The following IL6R variants were observed in gnomAD, a reference collection of about 807,000 sequenced individuals.
The protein encoded by IL6R is interleukin-6 receptor subunit alpha.
A neutral mutation model predicts 48.3 loss-of-function variants in IL6R; 38 were observed. The observed-to-expected ratio is 0.79, with a 90% confidence interval of 0.61 to 1.03. IL6R has a LOEUF of 1.03. Ranked by LOEUF, IL6R falls within the 50% of genes least tolerant of loss-of-function variation. The pLI, the probability that IL6R is intolerant of heterozygous loss-of-function variation, is 0.00. For missense variants in IL6R, 534 were observed against 618.3 expected (o/e 0.86, Z 1.45); for synonymous variants, 264 against 256.2 (o/e 1.03, Z -0.29).
At position 154,435,048 on chromosome 1, in the gene IL6R, G is replaced by T. The variant is rs1352349423; in HGVS notation, c.699G>T (p.Trp233Cys). 1 of 1,614,118 alleles carries T rather than the reference G, an allele frequency of 6.2e-7. No homozygotes were observed. Among genetic ancestry groups the T allele is most frequent in the South Asian group, 1.1e-5 (1 of 91,084 alleles). Residue 233 changes from tryptophan (W) to cysteine (C), a missense_variant, in exon 5 of 10, where the codon TGG (tryptophan) becomes TGT (cysteine). By Grantham distance (215) the Trp-to-Cys change is radical. Coordinates refer to ENST00000368485, the MANE Select transcript of IL6R (RefSeq NM_000565.4). ...TVTAVARNPR[W>C]LSVTWQDPHS... ...CTGCCGTGGCCAGAAACCCCCGCTG[G>T]CTCAGTGTCACCTGGCAAGACCCCC...
chr1:154,405,389 T>C lies in IL6R; in HGVS notation c.-241T>C, dbSNP rs555022378. ...GGACCGTCCGCCGCTCTGAGTCATG[T>C]GCGAGTGGGAAGTCGCACTGACACT... On this transcript the variant is annotated 5_prime_UTR_variant, in exon 1 of 10. Transcript: ENST00000368485. The surrounding 1 kb of genome is among the most constrained non-coding windows in gnomAD (Gnocchi z 5.2). 4 of 513,454 alleles carry C rather than the reference T, an allele frequency of 7.8e-6. No individual in the cohort carries two copies. Among genetic ancestry groups the C allele is most frequent in the Admixed American group, 8.2e-5 (2 of 24,522 alleles). 31.8% of individuals were successfully genotyped at this position (513,454 alleles called of 1,614,324 possible).
chr1:154,406,241 A>G (rs1432958030), intron 1 of IL6R, among the ~76,000 whole-genome samples: 1 of 152,210 alleles, frequency 6.6e-6, no homozygotes, highest in Non-Finnish European at 1.5e-5. Flanking sequence ...AGGGACTGAC[A>G]TCACGGGCGC....
At chr1:154,437,482 C>A in intron 6 of IL6R, 1 of 447,172 alleles carries the variant, frequency 2.2e-6, no homozygotes, top group Admixed American at 2.4e-5. Flanking sequence ...AGTGCAATCA[C>A]AGCTCACGGC....
chr1:154,429,548 T>G, intron 2 of IL6R, 104 bp downstream of exon 2: 1 of 1,387,380 alleles, frequency 7.2e-7, no homozygotes, highest in Non-Finnish European at 9.7e-7. Flanking sequence ...ACCATTTCCT[T>G]GGCGCAAGAA....
At position 154,467,608 on chromosome 1, in the gene IL6R, A is replaced by G. The variant is rs1691616656; in HGVS notation, c.*2228A>G. ...GAGGCAACTCATCTTAGGTTGGCAA[A>G]AAGGCAGGATGGCCGGGCGCGGTGG... On this transcript the variant is annotated 3_prime_UTR_variant, in exon 10 of 10. Transcript: ENST00000368485. 1 of 152,266 alleles carries G rather than the reference A, an allele frequency of 6.6e-6. No individual in the cohort carries two copies. Among genetic ancestry groups the G allele is most frequent in the Non-Finnish European group, 1.5e-5 (1 of 68,072 alleles). 9.4% of individuals were successfully genotyped at this position (152,266 alleles called of 1,614,324 possible).
At chr1:154,425,180 T>C (rs1257780594) in intron 1 of IL6R, among the ~76,000 whole-genome samples, 1 of 152,190 alleles carries the variant, frequency 6.6e-6, no homozygotes, top group Non-Finnish European at 1.5e-5. Context: ...TTTCTGCCTT[T>C]TAGTTTTTAC....
intron 1 of IL6R, among the ~76,000 whole-genome samples, chr1:154,428,671 C>T (rs972969940): frequency 1.5e-4 from 23 of 152,228 alleles, no homozygotes; most frequent in Middle Eastern, 3.4e-3. Context: ...ACACGGAATT[C>T]GTAATTACAT....
At position 154,448,053 on chromosome 1, in the gene IL6R, G is replaced by T; in HGVS notation, c.950-72G>T. 13 of 1,246,942 alleles carry T rather than the reference G, an allele frequency of 1.0e-5. No individual in the cohort carries two copies. The Admixed American group carries it at 1.2e-4, about 11-fold the overall frequency. 77.2% of individuals were successfully genotyped at this position (1,246,942 alleles called of 1,614,324 possible). A position where few individuals can be genotyped will look rare whatever the true frequency, so the allele number is the denominator to read the frequency against. ...ACATTGAGATGAACTTTTTTTTTCT[G>T]ATGCTGAAGCCCCTGAGACAGGACT... is the stretch of plus-strand genomic sequence containing the variant. On this transcript the variant is annotated intron_variant, in intron 6 of 9. Transcript: ENST00000368485.
At chr1:154,406,747 G>A (rs1687743509) in intron 1 of IL6R, among the ~76,000 whole-genome samples, 1 of 152,206 alleles carries the variant, frequency 6.6e-6, no homozygotes. Flanking sequence ...TGCAACTAGA[G>A]GCTGAGCTGG....
intron 6 of IL6R, among the ~76,000 whole-genome samples, chr1:154,446,845 T>G (rs1431495569): frequency 6.6e-6 from 1 of 152,254 alleles, no homozygotes; most frequent in Non-Finnish European, 1.5e-5. Flanking sequence ...TGTGCAAATA[T>G]ATAGTATTAT....
At chr1:154,429,172 C>G in intron 1 of IL6R, 24 bp from the exon 2 acceptor site, 1 of 1,599,256 alleles carries the variant, frequency 6.3e-7, no homozygotes, top group Non-Finnish European at 8.6e-7. Context: ...TGTGGGCTCA[C>G]CAAGTGTCTT....
chr1:154,465,481 T>C lies in IL6R; in HGVS notation c.*101T>C. On this transcript the variant is annotated 3_prime_UTR_variant, in exon 10 of 10. Transcript: ENST00000368485. ...CTGCCATGCCAGCTTATCTCAGGGG[T>C]GTGCGGCCTTTGGCTTCACGGAAGA... 2.1e-6 allele frequency: 3 copies of C among 1,397,792 alleles called. No homozygotes were observed. The highest frequency in any genetic ancestry group is 3.0e-6 in the Non-Finnish European group (3 of 1,000,354). 86.6% of individuals were successfully genotyped at this position (1,397,792 alleles called of 1,614,324 possible).
chr1:154,438,648 A>G (rs547596130), intron 6 of IL6R, among the ~76,000 whole-genome samples: 72 of 152,254 alleles, frequency 4.7e-4, no homozygotes, highest in Non-Finnish European at 9.1e-4. Context: ...GCTTTTATCT[A>G]TGGGCTGCAC....
Position 154,465,613 on chromosome 1 carries a change from G to A in IL6R, c.*233G>A, listed in dbSNP as rs1348181596. On this transcript the variant is annotated 3_prime_UTR_variant, in exon 10 of 10. Coordinates refer to ENST00000368485, the MANE Select transcript of IL6R (RefSeq NM_000565.4). ...AAATGCCCAGCTTAAAGGGGCTAGA[G>A]TGAACTTGGGCCACTGTGAAGAGAA... The A allele has an allele frequency of 3.6e-6, 2 of 558,658 alleles. No individual in the cohort carries two copies. The highest frequency in any genetic ancestry group is 6.4e-6 in the Non-Finnish European group (2 of 311,202). 34.6% of individuals were successfully genotyped at this position (558,658 alleles called of 1,614,324 possible).
intron 8 of IL6R, 107 bp downstream of exon 8, chr1:154,450,087 TC>T (rs908966498): frequency 7.0e-6 from 5 of 714,980 alleles, no homozygotes; most frequent in African/African-American, 1.8e-5. Flanking sequence ...CAATCACAGA[TC>T]AATCGCAGAA....
intron 3 of IL6R, among the ~76,000 whole-genome samples, chr1:154,432,548 A>G (rs56383622): frequency 0.33 from 50,338 of 151,818 alleles, 9,484 homozygotes; most frequent in Admixed American, 0.5. Context: ...AGTAGAGATG[A>G]GGTTTCACCA....
intron 1 of IL6R, among the ~76,000 whole-genome samples, chr1:154,407,052 ACT>A (rs1382226328): frequency 6.6e-6 from 1 of 152,028 alleles, no homozygotes; most frequent in Non-Finnish European, 1.5e-5. Flanking sequence ...GATGTCTAAG[ACT>A]CTCAAATATA....
At chr1:154,435,507 T>C (rs1689566186) in intron 5 of IL6R, among the ~76,000 whole-genome samples, 1 of 57,420 alleles carries the variant, frequency 1.7e-5, no homozygotes, top group African/African-American at 8.1e-5. Context: ...AGACTCCATG[T>C]CAAAAAAAAA....
chr1:154,435,014 T>C lies in IL6R; in HGVS notation c.665T>C (p.Ile222Thr). The C allele has an allele frequency of 6.2e-7, 1 of 1,614,146 alleles. No homozygotes were observed. The highest frequency in any genetic ancestry group is 8.5e-7 in the Non-Finnish European group (1 of 1,180,024). ...GTGCAGCCTGATCCGCCTGCCAACA[T>C]CACAGTCACTGCCGTGGCCAGAAAC... ...GILQPDPPAN[I>T]TVTAVARNPR... The change falls in exon 5 of 10, where the codon ATC (isoleucine) becomes ACC (threonine). Residue 222 changes from isoleucine (I) to threonine (T), a missense_variant. Ile to Thr is a moderately conservative substitution (Grantham distance 89). Coordinates refer to ENST00000368485, the MANE Select transcript of IL6R (RefSeq NM_000565.4).
Sources: allele counts gnomAD v4.1 joint callset (sites outside exome capture counted in the v4.1 genomes callset), GRCh38; gene constraint gnomAD v4.1.1; non-coding constraint Gnocchi (gnomAD v3.1); transcripts MANE v1.5; gene names NCBI Gene and HGNC (gene_info 2026-07-23, HGNC 2026-07-21).